PCDH15: variants seen among roughly 807,000 people sequenced by gnomAD.
PCDH15 encodes protocadherin-15.
Under a neutral mutation model 178.5 loss-of-function variants are expected in PCDH15, and 129 were observed. The ratio of observed to expected loss-of-function variants is 0.72; its 90% CI spans 0.63 to 0.84. The LOEUF (loss-of-function observed/expected upper bound fraction) is 0.84, where lower values mean the gene tolerates loss of function less well. Ranked by LOEUF, PCDH15 falls within the 40% of genes least tolerant of loss-of-function variation. The pLI is 0.00. For synonymous variants in PCDH15, 800 were observed against 732.0 expected (o/e 1.09, Z -1.50); for missense variants, 2,230 against 2,099.9 (o/e 1.06, Z -1.21).
intron 1 of PCDH15, among the ~76,000 whole-genome samples, chr10:55,275,422 T>C (rs2132251642): frequency 6.6e-6 from 1 of 152,162 alleles, no homozygotes; most frequent in East Asian, 1.9e-4. Context: ...TGCACATGTA[T>C]CAATTTGTTC....
At chr10:54,072,845 G>A (rs1207743806) in intron 17 of PCDH15, among the ~76,000 whole-genome samples, 2 of 152,118 alleles carry the variant, frequency 1.3e-5, no homozygotes, top group Non-Finnish European at 2.9e-5. Context: ...ATAAAGGACT[G>A]GTAAATACAT....
At chr10:55,421,836 C>T (rs572195396) in intron 2 of PCDH15, among the ~76,000 whole-genome samples, 27 of 151,582 alleles carry the variant, frequency 1.8e-4, no homozygotes, top group Non-Finnish European at 3.7e-4. Context: ...TATTATCACA[C>T]AAAATTATTA....
intron 8 of PCDH15, among the ~76,000 whole-genome samples, chr10:54,242,033 C>T (rs2055359161): frequency 1.3e-5 from 2 of 148,510 alleles, no homozygotes; most frequent in Non-Finnish European, 3.0e-5. Context: ...GAGAGGATAA[C>T]AGTAGCCAAT....
chr10:55,031,726 T>C (rs1384999654), intron 2 of PCDH15, among the ~76,000 whole-genome samples: 1 of 152,184 alleles, frequency 6.6e-6, no homozygotes, highest in Non-Finnish European at 1.5e-5. Flanking sequence ...CAGTTTGTCT[T>C]TTTTGCCATT....
chr10:53,907,234 C>A (rs1166865578), intron 25 of PCDH15: 1 of 152,168 alleles, frequency 6.6e-6, no homozygotes, highest in Non-Finnish European at 1.5e-5. Flanking sequence ...GATTTAAATT[C>A]TTTTAAGATA....
At chr10:54,398,943 A>G (rs1010364466) in intron 3 of PCDH15, among the ~76,000 whole-genome samples, 6 of 152,132 alleles carry the variant, frequency 3.9e-5, no homozygotes, top group Admixed American at 2.6e-4. Context: ...CATATTTTCT[A>G]AACTATAGAA....
intron 2 of PCDH15, among the ~76,000 whole-genome samples, chr10:55,024,454 TAC>T (rs3073624): frequency 0.49 from 71,925 of 145,600 alleles, 18,421 homozygotes; most frequent in East Asian, 0.74. Context: ...TATATATATA[TAC>T]ACACACATAT....
At chr10:54,368,762 C>A (rs1315490683) in intron 5 of PCDH15, among the ~76,000 whole-genome samples, 1 of 151,786 alleles carries the variant, frequency 6.6e-6, no homozygotes, top group Non-Finnish European at 1.5e-5. Context: ...ATTAGTATGA[C>A]CACCTCAGAA....
chr10:54,714,321 G>A lies in PCDH15; in HGVS notation c.-28-50031C>T, dbSNP rs565270826. 1.1e-4 allele frequency among the ~76,000 whole-genome samples: 16 copies of A among 152,232 alleles called. No individual in the cohort carries two copies. In the South Asian group the frequency reaches 3.3e-3, roughly 32 times the overall value. On this transcript the variant is annotated intron_variant, in intron 1 of 37. Transcript: ENST00000644397. ...GCCTTTTTCAGCAGTGTAGAGATGA[G>A]AAGAGAGACTGATAGGTAATATGAA...
chr10:55,315,602 T>C (rs1208198446), intron 1 of PCDH15, among the ~76,000 whole-genome samples: 1 of 152,198 alleles, frequency 6.6e-6, no homozygotes, highest in Non-Finnish European at 1.5e-5. Context: ...CATCCCCACA[T>C]TTACATATCT....
intron 3 of PCDH15, among the ~76,000 whole-genome samples, chr10:54,832,649 A>G (rs1354463884): frequency 1.3e-5 from 2 of 152,210 alleles, no homozygotes; most frequent in Non-Finnish European, 2.9e-5. Flanking sequence ...CAAAGATATG[A>G]CTTTGGTCAC....
chr10:53,903,706 T>C (rs2082480810), intron 25 of PCDH15, among the ~76,000 whole-genome samples: 1 of 152,188 alleles, frequency 6.6e-6, no homozygotes, highest in African/African-American at 2.4e-5. Flanking sequence ...ATACCAGTTA[T>C]ACCAAAGGGA....
intron 2 of PCDH15, among the ~76,000 whole-genome samples, chr10:54,940,524 G>T (rs1354379243): frequency 2.0e-5 from 3 of 152,066 alleles, no homozygotes; most frequent in Non-Finnish European, 4.4e-5. Flanking sequence ...TATTCTGTAG[G>T]TCTCTCTTAG....
At chr10:54,156,450 C>G (rs1320806897) in intron 13 of PCDH15, among the ~76,000 whole-genome samples, 1 of 152,100 alleles carries the variant, frequency 6.6e-6, no homozygotes, top group Non-Finnish European at 1.5e-5. Flanking sequence ...GAGAAGAGAG[C>G]TTGTGCAGGG....
intron 1 of PCDH15, among the ~76,000 whole-genome samples, chr10:55,297,518 T>C (rs1295503888): frequency 1.3e-5 from 2 of 152,100 alleles, no homozygotes; most frequent in African/African-American, 4.8e-5. Flanking sequence ...TAAAATCCAT[T>C]TGTAAAATTA....
In PCDH15 at chr10:54,820,714, C is replaced by A; in HGVS notation, c.-29+76736G>T. ...AGAAACTATAGTTTGCTAAATCTGA[C>A]ATCTACAGAGGATCAGTAACTTACA... On this transcript the variant is annotated intron_variant, in intron 3 of 5. Coordinates refer to the PCDH15 transcript ENST00000458638. Among the ~76,000 whole-genome samples, 2 of 151,976 alleles carry A rather than the reference C, an allele frequency of 1.3e-5. 1 individual carries two copies. The highest frequency in any genetic ancestry group is 2.9e-5 in the Non-Finnish European group (2 of 67,952).
chr10:55,318,873 G>C (rs894626921), intron 1 of PCDH15, among the ~76,000 whole-genome samples: 4 of 152,014 alleles, frequency 2.6e-5, no homozygotes, highest in Non-Finnish European at 5.9e-5. Context: ...TTTCTCAAAG[G>C]GAAGAAAAAG....
chr10:55,355,659 T>C (rs1206608753), intron 2 of PCDH15, among the ~76,000 whole-genome samples: 1 of 152,000 alleles, frequency 6.6e-6, no homozygotes, highest in Non-Finnish European at 1.5e-5. Context: ...CTCTTGTTAA[T>C]ATGTGACTTG....
intron 26 of PCDH15, among the ~76,000 whole-genome samples, chr10:53,889,864 A>G (rs1203414858): frequency 1.3e-5 from 2 of 152,224 alleles, no homozygotes; most frequent in Non-Finnish European, 2.9e-5. Flanking sequence ...ATAGTGTGAG[A>G]AAATGAATCT....
Sources: gnomAD v4.1 joint callset for allele counts (sites outside exome capture counted in the v4.1 genomes callset) on GRCh38, gnomAD v4.1.1 for gene constraint, MANE v1.5 for transcripts, NCBI Gene and HGNC (gene_info 2026-07-23, HGNC 2026-07-21) for gene names.